The following PCM1 variants were observed in gnomAD, a reference collection of about 807,000 sequenced individuals.
The protein encoded by PCM1 is pericentriolar material 1 protein.
A neutral mutation model predicts 241.9 loss-of-function variants in PCM1; 157 were observed. The ratio of observed to expected loss-of-function variants is 0.65; its 90% CI spans 0.57 to 0.74. The LOEUF (loss-of-function observed/expected upper bound fraction) is 0.74, where lower values mean the gene tolerates loss of function less well. Ranked by LOEUF, PCM1 falls within the 30% of genes least tolerant of loss-of-function variation. PCM1 has a pLI of 0.00. For synonymous variants in PCM1, 1,085 were observed against 784.9 expected (o/e 1.38, Z -6.39); for missense variants, 3,478 against 2,360.1 (o/e 1.47, Z -9.81).
intron 4 of PCM1, among the ~76,000 whole-genome samples, chr8:17,937,916 T>C (rs1032444621): frequency 1.3e-5 from 2 of 152,184 alleles, no homozygotes; most frequent in Admixed American, 1.3e-4. Flanking sequence ...TCAAGTCTGA[T>C]AATGATGTTG....
At chr8:18,011,107 AACTAG>A (rs1588459144) in intron 32 of PCM1, 125 bp from the exon 33 acceptor site, 3 of 564,696 alleles carry the variant, frequency 5.3e-6, no homozygotes, top group African/African-American at 1.9e-5. Flanking sequence ...TTAAAAATAA[AACTAG>A]ACTATCAAAA....
At position 17,955,557 on chromosome 8, in the gene PCM1, A is replaced by G. The variant is rs375809495; in HGVS notation, c.1376A>G (p.Asn459Ser). Residue 459 changes from asparagine to serine, a missense_variant, in exon 10 of 39, where the codon AAT (asparagine) becomes AGT (serine). Transcript: ENST00000325083. ...GLAPVVNGESNSLTSSVPYPT... is the reference protein window; with the variant it reads ...GLAPVVNGESSSLTSSVPYPT... The stretch of plus-strand genomic sequence containing the variant: ...GCACCGGTTGTCAATGGAGAATCCA[A>G]TAGCCTCACATCATCTGTTCCTTAT... 19 of 1,613,662 alleles carry G rather than the reference A, an allele frequency of 1.2e-5. No homozygotes were observed. The East Asian group carries it at 2.0e-4, about 17-fold the overall frequency.
At chr8:17,943,509 A>G (rs1387424232) in intron 6 of PCM1, among the ~76,000 whole-genome samples, 1 of 152,178 alleles carries the variant, frequency 6.6e-6, no homozygotes, top group Admixed American at 6.5e-5. Flanking sequence ...CAGTTAATGC[A>G]GTATCTGCCA....
At chr8:17,928,812 A>G (rs2058030534) in intron 2 of PCM1, among the ~76,000 whole-genome samples, 1 of 151,424 alleles carries the variant, frequency 6.6e-6, no homozygotes, top group Non-Finnish European at 1.5e-5. Flanking sequence ...TTGTATTTTT[A>G]GTGGAAACAG....
intron 23 of PCM1, among the ~76,000 whole-genome samples, chr8:17,977,021 A>G (rs1263368257): frequency 6.6e-6 from 1 of 152,202 alleles, no homozygotes; most frequent in African/African-American, 2.4e-5. Flanking sequence ...CATTAAGTGC[A>G]TTTTAATTTT....
In PCM1 at chr8:18,010,590, T is replaced by G. The variant is rs1449234303; in HGVS notation, c.5161-19T>G. 6.4e-7 allele frequency: 1 copy of G among 1,572,266 alleles called. No homozygotes were observed. On this transcript the variant is annotated intron_variant, in intron 31 of 38. Coordinates refer to ENST00000325083, the MANE Select transcript of PCM1 (RefSeq NM_006197.4). Reference sequence around the variant, plus strand: ...TCTAAGTATGTTGCTAAATTCTGTGTAATTGATTTGTTTTAAAGGCTAAAA... The same window carrying G: ...TCTAAGTATGTTGCTAAATTCTGTGGAATTGATTTGTTTTAAAGGCTAAAA...
intron 6 of PCM1, among the ~76,000 whole-genome samples, chr8:17,943,142 C>T (rs576981565): frequency 2.3e-3 from 347 of 150,860 alleles, no homozygotes; most frequent in Non-Finnish European, 4.1e-3. Flanking sequence ...CCTAGGACTA[C>T]ACTTTCCCAT....
Position 18,013,969 on chromosome 8 carries a change from A to G in PCM1, c.5517A>G (p.Leu1839=), listed in dbSNP as rs1464873898. ...AAAACATTTTTCCCTTCTAGGTCCT[A>G]CAACGTGACTTTAAAAAGACAGCAG... ...TEENEHDEQV[L]QRDFKKTAES... is the part of the protein sequence containing the mutation. Residue 1839 remains leucine, a synonymous_variant, in exon 35 of 39, where the codon CTA becomes CTG. Coordinates refer to ENST00000325083, the MANE Select transcript of PCM1 (RefSeq NM_006197.4). 1 of 1,597,542 alleles carries G rather than the reference A, an allele frequency of 6.3e-7. No homozygotes were observed. The highest frequency in any genetic ancestry group is 1.7e-5 in the Admixed American group (1 of 58,202).
chr8:18,027,548 T>G, intron 38 of PCM1, 89 bp from the exon 39 acceptor site: 1 of 859,824 alleles, frequency 1.2e-6, no homozygotes, highest in Non-Finnish European at 1.8e-6. Context: ...AACGTTATAT[T>G]AAAAGTAAAA....
chr8:17,938,227 C>T (rs954240702), intron 4 of PCM1, among the ~76,000 whole-genome samples: 1 of 152,074 alleles, frequency 6.6e-6, no homozygotes, highest in Admixed American at 6.6e-5. Context: ...TAACACCTGA[C>T]CTTGTGTGAT....
rs201959136 is a variant in PCM1, at chr8:17,964,787, A to C, written c.2855+19A>C. 6.3e-7 allele frequency: 1 copy of C among 1,587,560 alleles called. No homozygotes were observed. The highest frequency in any genetic ancestry group is 8.6e-7 in the Non-Finnish European group (1 of 1,156,576). On this transcript the variant is annotated intron_variant, in intron 18 of 38. Coordinates refer to ENST00000325083, the MANE Select transcript of PCM1 (RefSeq NM_006197.4). Reference sequence around the variant, plus strand: ...AAAATAGGTTAGTTTCAGTATTTTAATTTTGTGCTTAATTTAAGAGGCTCA... The same window carrying C: ...AAAATAGGTTAGTTTCAGTATTTTACTTTTGTGCTTAATTTAAGAGGCTCA...
chr8:18,011,911 G>T, intron 34 of PCM1, 84 bp downstream of exon 34: 1 of 1,211,502 alleles, frequency 8.3e-7, no homozygotes, highest in Non-Finnish European at 1.2e-6. Context: ...ACTAATCAAA[G>T]TAGATCCTTC....
At chr8:17,999,543 C>G (rs934407213) in intron 29 of PCM1, among the ~76,000 whole-genome samples, 5 of 152,044 alleles carry the variant, frequency 3.3e-5, no homozygotes, top group African/African-American at 9.7e-5. Flanking sequence ...AGATACAACA[C>G]AAAGTCCTTT....
chr8:17,935,277 C>T (rs576158811), intron 2 of PCM1, among the ~76,000 whole-genome samples: 97 of 152,304 alleles, frequency 6.4e-4, no homozygotes, highest in African/African-American at 2.1e-3. Flanking sequence ...TGACACTTTT[C>T]CTACTTTATT....
At chr8:17,933,234 A>G (rs1282289237) in intron 2 of PCM1, among the ~76,000 whole-genome samples, 1 of 152,186 alleles carries the variant, frequency 6.6e-6, no homozygotes, top group Non-Finnish European at 1.5e-5. Flanking sequence ...TTTTCTTACT[A>G]CATTTTTCTG....
chr8:18,004,030 A>G (rs1014106281), intron 29 of PCM1, among the ~76,000 whole-genome samples: 10 of 151,044 alleles, frequency 6.6e-5, no homozygotes, highest in Non-Finnish European at 1.3e-4. Flanking sequence ...TTTGATATGT[A>G]CAGTTACTTT....
chr8:17,958,840 G>C (rs983894568), intron 13 of PCM1, among the ~76,000 whole-genome samples: 3 of 152,060 alleles, frequency 2.0e-5, no homozygotes, highest in African/African-American at 7.2e-5. Flanking sequence ...TTCTGCCTCA[G>C]CCTCCCGAGT....
intron 2 of PCM1, among the ~76,000 whole-genome samples, chr8:17,935,297 T>G (rs1563658628): frequency 6.6e-6 from 1 of 152,214 alleles, no homozygotes; most frequent in East Asian, 1.9e-4. Flanking sequence ...TGTTCTACCC[T>G]TTGGAACTGT....
Position 18,014,833 on chromosome 8 carries a change from A to G in PCM1, c.5834A>G (p.Asn1945Ser). The change falls in exon 36 of 39, where the codon AAT (asparagine) becomes AGT (serine). Residue 1945 changes from asparagine to serine, a missense_variant. Asn to Ser is a conservative substitution (Grantham distance 46, BLOSUM62 1). Transcript: ENST00000325083. The stretch of plus-strand genomic sequence containing the variant: ...GATACTGAATCTCCAGTGTTAGTGA[A>G]TGACTATGTATGTATCATTTACATT... ...SPDTESPVLVNDYEAESGNIS... is the reference protein window; with the variant it reads ...SPDTESPVLVSDYEAESGNIS... 6.3e-7 allele frequency: 1 copy of G among 1,592,646 alleles called. No homozygotes were observed. The highest frequency in any genetic ancestry group is 1.3e-5 in the African/African-American group (1 of 74,908).
Sources: allele counts gnomAD v4.1 joint callset (sites outside exome capture counted in the v4.1 genomes callset), GRCh38; gene constraint gnomAD v4.1.1; transcripts MANE v1.5; gene names NCBI Gene and HGNC (gene_info 2026-07-23, HGNC 2026-07-21).